The following ICA1 variants were observed in gnomAD, a reference collection of about 807,000 sequenced individuals.
ICA1 encodes the protein 69 kDa islet cell autoantigen.
Under a neutral mutation model 71.0 loss-of-function variants are expected in ICA1, and 40 were observed. The observed-to-expected ratio is 0.56, with a 90% CI of 0.44 to 0.73. ICA1 has a LOEUF of 0.73. ICA1 is among the 30% of genes least tolerant of loss of function. ICA1 has a pLI of 0.00. For missense variants in ICA1, 578 were observed against 576.5 expected (o/e 1.00, Z -0.03); for synonymous variants, 207 against 209.5 (o/e 0.99, Z 0.10).
In ICA1 at chr7:8,123,891, G is replaced by A. The variant is rs80002465; in HGVS notation, c.1330+3982C>T. On this transcript the variant is annotated intron_variant, in intron 13 of 13. Coordinates refer to ENST00000402384, the MANE Select transcript of ICA1 (RefSeq NM_001136020.3). The surrounding 1 kb of genome is among the most constrained non-coding windows in gnomAD (Gnocchi z 4.1). ...CCTGGGCTCAAAATCCGGCCTGCCC[G>A]TTAACAGGAGTGTGATCTTGGGCAC... 0.013 allele frequency among the ~76,000 whole-genome samples: 1,935 copies of A among 152,270 alleles called. 54 individuals carry two copies. Among genetic ancestry groups the A allele is most frequent in the African/African-American group, 0.044 (1,813 of 41,534 alleles).
chr7:8,151,254 G>C (rs577761348), intron 8 of ICA1, among the ~76,000 whole-genome samples: 1 of 152,332 alleles, frequency 6.6e-6, no homozygotes, highest in East Asian at 1.9e-4. Flanking sequence ...AGAGGTGGGG[G>C]ATGGAGAAGC....
chr7:8,239,345 A>G (rs1206296054), intron 1 of ICA1, among the ~76,000 whole-genome samples: 2 of 152,358 alleles, frequency 1.3e-5, no homozygotes, highest in African/African-American at 4.8e-5. Flanking sequence ...ACATAAACTG[A>G]GCATCAAATG....
intron 2 of ICA1, among the ~76,000 whole-genome samples, chr7:8,235,261 A>G (rs1479245867): frequency 2.6e-5 from 4 of 152,212 alleles, no homozygotes; most frequent in Non-Finnish European, 5.9e-5. Context: ...AAAAGTTCAC[A>G]AAGATCTGCT....
chr7:8,116,969 A>G (rs891765561), intron 13 of ICA1, among the ~76,000 whole-genome samples: 3 of 152,168 alleles, frequency 2.0e-5, no homozygotes, highest in Admixed American at 1.3e-4. Flanking sequence ...TGTAATCCCC[A>G]TGATCCCCAT....
intron 6 of ICA1, among the ~76,000 whole-genome samples, chr7:8,191,161 C>A (rs989920528): frequency 6.6e-6 from 1 of 152,212 alleles, no homozygotes; most frequent in African/African-American, 2.4e-5. Context: ...AATGTCCCTG[C>A]TATCATCTAG....
intron 6 of ICA1, among the ~76,000 whole-genome samples, chr7:8,192,862 C>T (rs151041660): frequency 1.5e-4 from 23 of 152,304 alleles, no homozygotes; most frequent in Admixed American, 3.9e-4. Flanking sequence ...CCATATTTGG[C>T]GAATGGGAGC....
intron 3 of ICA1, among the ~76,000 whole-genome samples, chr7:8,229,531 C>G (rs1364644586): frequency 1.3e-5 from 2 of 152,182 alleles, no homozygotes; most frequent in African/African-American, 2.4e-5. Flanking sequence ...TAGAGCCACT[C>G]AGTAAGGCAG....
intron 4 of ICA1, among the ~76,000 whole-genome samples, chr7:8,224,244 A>T (rs1797950151): frequency 6.6e-6 from 1 of 152,134 alleles, no homozygotes; most frequent in African/African-American, 2.4e-5. Flanking sequence ...GTTCTGAATG[A>T]CGATAGCCTT....
chr7:8,152,933 C>A (rs1444891559), intron 8 of ICA1, among the ~76,000 whole-genome samples: 1 of 152,120 alleles, frequency 6.6e-6, no homozygotes, highest in African/African-American at 2.4e-5. Flanking sequence ...CCACCACTAC[C>A]ACCATCACCT....
intron 6 of ICA1, among the ~76,000 whole-genome samples, chr7:8,197,185 T>C (rs1000006203): frequency 3.0e-4 from 44 of 149,062 alleles, no homozygotes; most frequent in Admixed American, 2.5e-3. Flanking sequence ...AAAAGACAGA[T>C]GGTAAAGATG....
intron 13 of ICA1, among the ~76,000 whole-genome samples, chr7:8,124,151 C>T (rs1283729995): frequency 1.4e-4 from 18 of 129,936 alleles, no homozygotes; most frequent in Non-Finnish European, 1.7e-4. Context: ...GACGGAGTCT[C>T]GCTCTGTCGC....
At chr7:8,249,074 G>A (rs1807181522) in intron 1 of ICA1, among the ~76,000 whole-genome samples, 1 of 152,156 alleles carries the variant, frequency 6.6e-6, no homozygotes, top group Non-Finnish European at 1.5e-5. Flanking sequence ...CCAGACTTTT[G>A]CGGCTATTTG....
intron 1 of ICA1, among the ~76,000 whole-genome samples, chr7:8,243,320 T>C (rs1804696084): frequency 6.6e-6 from 1 of 152,174 alleles, no homozygotes. Context: ...AAAAACCACA[T>C]GATTATCTCA....
intron 1 of ICA1, among the ~76,000 whole-genome samples, chr7:8,237,344 T>C (rs890747745): frequency 6.6e-6 from 1 of 152,220 alleles, no homozygotes; most frequent in Non-Finnish European, 1.5e-5. Flanking sequence ...ACAAATTTTT[T>C]CATAAAAAGA....
At chr7:8,154,648 G>A (rs1394262649) in intron 8 of ICA1, among the ~76,000 whole-genome samples, 1 of 152,018 alleles carries the variant, frequency 6.6e-6, no homozygotes, top group Non-Finnish European at 1.5e-5. Flanking sequence ...TTTCAAAATG[G>A]CCATTATCAA....
intron 6 of ICA1, among the ~76,000 whole-genome samples, chr7:8,204,068 G>GAA (rs373309086): frequency 2.1e-4 from 31 of 148,450 alleles, no homozygotes; most frequent in African/African-American, 6.7e-4. Flanking sequence ...TGGTGAGAAG[G>GAA]AAAAAAAAAA....
chr7:8,164,421 A>G (rs17144154), intron 6 of ICA1, among the ~76,000 whole-genome samples: 2,983 of 152,030 alleles, frequency 0.02, 75 homozygotes, highest in African/African-American at 0.066. Context: ...TCCAAAAGAC[A>G]CTTAAGAGGC....
chr7:8,256,694 G>A (rs1230912451), intron 1 of ICA1, among the ~76,000 whole-genome samples: 2 of 152,116 alleles, frequency 1.3e-5, no homozygotes, highest in Admixed American at 1.3e-4. Context: ...CTCCTTCAAG[G>A]AGCTAATTAC....
At chr7:8,179,225 A>C (rs1240276196) in intron 6 of ICA1, among the ~76,000 whole-genome samples, 2 of 152,208 alleles carry the variant, frequency 1.3e-5, no homozygotes, top group Non-Finnish European at 2.9e-5. Context: ...AACACAAAAG[A>C]AAAACTTCTA....
Sources: allele counts gnomAD v4.1 joint callset (sites outside exome capture counted in the v4.1 genomes callset), GRCh38; gene constraint gnomAD v4.1.1; non-coding constraint Gnocchi (gnomAD v3.1); transcripts MANE v1.5; gene names NCBI Gene and HGNC (gene_info 2026-07-23, HGNC 2026-07-21).